Variants in CTNND2 observed in about 807,000 individuals in gnomAD.
CTNND2 encodes the protein catenin delta-2.
A neutral mutation model predicts 144.4 loss-of-function variants in CTNND2; 22 were observed. That is an observed-to-expected ratio of 0.15 (90% CI 0.11 to 0.22). CTNND2 has a LOEUF of 0.22. Ranked by LOEUF, CTNND2 falls within the 10% of genes least tolerant of loss-of-function variation. The pLI is 1.00. For synonymous variants in CTNND2, 751 were observed against 695.6 expected (o/e 1.08, Z -1.25); for missense variants, 1,353 against 1,618.8 (o/e 0.84, Z 2.82).
At chr5:11,139,173 C>T (rs1425306019) in intron 12 of CTNND2, among the ~76,000 whole-genome samples, 1 of 152,086 alleles carries the variant, frequency 6.6e-6, no homozygotes, top group Non-Finnish European at 1.5e-5. Flanking sequence ...GTTGCCCAGG[C>T]TGGTCTCAAA....
rs138306347 is a variant in CTNND2 at position 11,016,261 on chromosome 5, T to G, written c.3084+1713A>C. ...AGAACTTCCACTTAATTTTGCATTC[T>G]GTTTCAACTTAAACACACTTCCTCT... On this transcript the variant is annotated intron_variant, in intron 18 of 21. Transcript: ENST00000304623. Among the ~76,000 whole-genome samples the G allele has an allele frequency of 1.2e-3, 180 of 152,274 alleles. 3 individuals carry two copies. The East Asian group carries it at 0.028, about 24-fold the overall frequency.
intron 3 of CTNND2, among the ~76,000 whole-genome samples, chr5:11,450,325 G>A (rs1022627327): frequency 1.3e-5 from 2 of 152,154 alleles, no homozygotes; most frequent in African/African-American, 4.8e-5. Context: ...CCCAGGACTC[G>A]AGTGTTGAGC....
At chr5:11,491,631 A>G (rs907541453) in intron 3 of CTNND2, among the ~76,000 whole-genome samples, 1 of 152,182 alleles carries the variant, frequency 6.6e-6, no homozygotes, top group Non-Finnish European at 1.5e-5. Flanking sequence ...CAGAATGTCA[A>G]ATTCTACTTC....
chr5:11,713,711 C>T (rs1439892688), intron 2 of CTNND2, among the ~76,000 whole-genome samples: 1 of 151,776 alleles, frequency 6.6e-6, no homozygotes, highest in Non-Finnish European at 1.5e-5. Context: ...TATCTAAATA[C>T]CAGCTCCATT....
At chr5:11,782,588 G>A (rs141170811) in intron 1 of CTNND2, among the ~76,000 whole-genome samples, 2 of 152,248 alleles carry the variant, frequency 1.3e-5, no homozygotes, top group East Asian at 3.9e-4. Context: ...TTGTTAACTA[G>A]TGCTAAAATA....
chr5:11,320,730 C>T (rs1191736744), intron 9 of CTNND2, among the ~76,000 whole-genome samples: 5 of 152,116 alleles, frequency 3.3e-5, no homozygotes, highest in Admixed American at 6.5e-5. Context: ...GGGAAAGACC[C>T]GCCCCCATGA....
intron 10 of CTNND2, among the ~76,000 whole-genome samples, chr5:11,223,797 C>G (rs1740042521): frequency 6.6e-6 from 1 of 152,170 alleles, no homozygotes; most frequent in Non-Finnish European, 1.5e-5. Flanking sequence ...AAGGCCAAGA[C>G]AAGCCTCTTG....
intron 15 of CTNND2, among the ~76,000 whole-genome samples, chr5:11,087,214 TC>T (rs781151594): frequency 1.3e-5 from 2 of 152,220 alleles, no homozygotes; most frequent in African/African-American, 2.4e-5. Flanking sequence ...GGCATGTGAT[TC>T]CTAAATTTGT....
chr5:11,618,856 T>C (rs1780701853), intron 2 of CTNND2, among the ~76,000 whole-genome samples: 1 of 152,192 alleles, frequency 6.6e-6, no homozygotes, highest in South Asian at 2.1e-4. Context: ...TTATTGTATC[T>C]ATCAGATATT....
intron 3 of CTNND2, among the ~76,000 whole-genome samples, chr5:11,487,394 A>T (rs1310254049): frequency 6.6e-6 from 1 of 152,206 alleles, no homozygotes; most frequent in Non-Finnish European, 1.5e-5. Context: ...CTATAATTTA[A>T]AAATCTGACC....
chr5:11,892,981 C>T (rs1737100494), intron 1 of CTNND2, among the ~76,000 whole-genome samples: 1 of 152,214 alleles, frequency 6.6e-6, no homozygotes. Flanking sequence ...TTTCCTCCCA[C>T]ACTCTGTTCA....
intron 9 of CTNND2, among the ~76,000 whole-genome samples, chr5:11,239,604 C>T (rs956124381): frequency 6.6e-6 from 1 of 152,232 alleles, no homozygotes; most frequent in Non-Finnish European, 1.5e-5. Flanking sequence ...CCACACCCTA[C>T]TATGGCTCCC....
chr5:11,233,146 G>A (rs1383594077), intron 10 of CTNND2, among the ~76,000 whole-genome samples: 1 of 152,172 alleles, frequency 6.6e-6, no homozygotes, highest in Non-Finnish European at 1.5e-5. Context: ...ATAGCAGCAT[G>A]AGAATGGACT....
intron 2 of CTNND2, among the ~76,000 whole-genome samples, chr5:11,666,712 A>C (rs112308726): frequency 3.3e-5 from 5 of 152,292 alleles, no homozygotes; most frequent in African/African-American, 1.2e-4. Flanking sequence ...CTCTTTTGTA[A>C]TGTAAAGTGA....
intron 3 of CTNND2, among the ~76,000 whole-genome samples, chr5:11,482,249 G>A (rs1466521709): frequency 6.6e-6 from 1 of 152,078 alleles, no homozygotes; most frequent in Non-Finnish European, 1.5e-5. Context: ...AGTCTGGAAG[G>A]TTTACATCCC....
chr5:11,356,003 CT>C (rs1313011679), intron 8 of CTNND2, among the ~76,000 whole-genome samples: 2 of 151,792 alleles, frequency 1.3e-5, no homozygotes, highest in Non-Finnish European at 2.9e-5. Context: ...GATAAAAGGC[CT>C]TTACACTGAA....
intron 2 of CTNND2, among the ~76,000 whole-genome samples, chr5:11,630,954 CAA>C (rs200482921): frequency 7.1e-5 from 10 of 140,894 alleles, no homozygotes; most frequent in East Asian, 2.1e-4. Context: ...AACTCCATCT[CAA>C]AAAAAAAAAA....
intron 2 of CTNND2, among the ~76,000 whole-genome samples, chr5:11,589,278 T>C (rs984548100): frequency 2.1e-4 from 18 of 84,528 alleles, no homozygotes; most frequent in Admixed American, 1.9e-3. Flanking sequence ...TATGTTAACA[T>C]TAAAACACAC....
chr5:11,319,669 T>C (rs950014162), intron 9 of CTNND2, among the ~76,000 whole-genome samples: 24 of 152,082 alleles, frequency 1.6e-4, no homozygotes, highest in Non-Finnish European at 2.8e-4. Context: ...TACAGGCTCC[T>C]GCCACCACAC....
Sources: gnomAD v4.1 joint callset for allele counts (sites outside exome capture counted in the v4.1 genomes callset) on GRCh38, gnomAD v4.1.1 for gene constraint, MANE v1.5 for transcripts, NCBI Gene and HGNC (gene_info 2026-07-23, HGNC 2026-07-21) for gene names.